KCNMA1: variants seen among roughly 807,000 people sequenced by gnomAD.
KCNMA1 encodes the protein Calcium-activated potassium channel subunit alpha-1.
A neutral mutation model predicts 140.0 loss-of-function variants in KCNMA1; 29 were observed. The observed-to-expected ratio is 0.21, with a 90% CI of 0.15 to 0.28. KCNMA1 has a LOEUF of 0.28. Ranked by LOEUF, KCNMA1 falls within the 10% of genes least tolerant of loss-of-function variation. KCNMA1 has a pLI of 1.00. For synonymous variants in KCNMA1, 612 were observed against 611.9 expected (o/e 1.00, Z 0.00); for missense variants, 880 against 1,602.2 (o/e 0.55, Z 7.70).
At chr10:77,489,141 C>T (rs1485321481) in intron 1 of KCNMA1, among the ~76,000 whole-genome samples, 1 of 152,064 alleles carries the variant, frequency 6.6e-6, no homozygotes, top group Non-Finnish European at 1.5e-5. Context: ...ACAGGGCTGA[C>T]AGACAAAAGA....
At chr10:76,919,292 C>T (rs1160104223) in intron 23 of KCNMA1, among the ~76,000 whole-genome samples, 2 of 152,080 alleles carry the variant, frequency 1.3e-5, no homozygotes, top group African/African-American at 4.8e-5. Flanking sequence ...CCACCTGTAC[C>T]CCAATACCCC....
chr10:77,534,665 T>C (rs916608561), intron 1 of KCNMA1, among the ~76,000 whole-genome samples: 5 of 152,196 alleles, frequency 3.3e-5, no homozygotes, highest in African/African-American at 1.2e-4. Flanking sequence ...TACAGGTAGA[T>C]GGAAGGAATA....
At chr10:76,905,898 C>T (rs963632426) in intron 25 of KCNMA1, among the ~76,000 whole-genome samples, 1 of 152,198 alleles carries the variant, frequency 6.6e-6, no homozygotes, top group Non-Finnish European at 1.5e-5. Flanking sequence ...CCAGTAAGTG[C>T]CCAATAAATG....
chr10:76,967,031 G>A (rs1217767502), intron 20 of KCNMA1, among the ~76,000 whole-genome samples: 1 of 152,174 alleles, frequency 6.6e-6, no homozygotes, highest in African/African-American at 2.4e-5. Flanking sequence ...AAGACCATTA[G>A]TGCAGAGTCC....
intron 1 of KCNMA1, among the ~76,000 whole-genome samples, chr10:77,610,068 T>C (rs1189649904): frequency 2.6e-5 from 4 of 152,206 alleles, no homozygotes; most frequent in Non-Finnish European, 5.9e-5. Flanking sequence ...CAGCTGCTCC[T>C]CTGCCTGCGG....
intron 14 of KCNMA1, among the ~76,000 whole-genome samples, chr10:77,069,079 A>C (rs2096078787): frequency 6.6e-6 from 1 of 152,194 alleles, no homozygotes; most frequent in Admixed American, 6.5e-5. Flanking sequence ...CCAAGTGAGG[A>C]AGCCAAGTAG....
intron 2 of KCNMA1, among the ~76,000 whole-genome samples, chr10:77,312,315 A>G (rs1429548927): frequency 6.6e-6 from 1 of 152,238 alleles, no homozygotes; most frequent in Non-Finnish European, 1.5e-5. Flanking sequence ...GAGGAAGGAC[A>G]GAAAAGTGGA....
intron 3 of KCNMA1, chr10:77,217,398 C>A: frequency 2.5e-6 from 1 of 397,026 alleles, no homozygotes. Context: ...GCCCATCAAT[C>A]CCATCATCTC....
At position 77,591,694 on chromosome 10, in the gene KCNMA1, C is replaced by T. The variant is rs75562748; in HGVS notation, c.378+45571G>A. 8.2e-3 allele frequency among the ~76,000 whole-genome samples: 1,243 copies of T among 152,262 alleles called. 16 individuals are homozygous for T. Among genetic ancestry groups the T allele is most frequent in the African/African-American group, 0.027 (1,111 of 41,534 alleles). On this transcript the variant is annotated intron_variant, in intron 1 of 27. Transcript: ENST00000286628. Reference sequence around the variant, plus strand: ...GGACACCTGTGTTTTACATGCAATCCCTGTGCTCCTGGCTTCCCTGGGAAT... The same window carrying T: ...GGACACCTGTGTTTTACATGCAATCTCTGTGCTCCTGGCTTCCCTGGGAAT...
intron 19 of KCNMA1, among the ~76,000 whole-genome samples, chr10:76,983,933 T>A (rs1234785076): frequency 1.3e-5 from 2 of 152,164 alleles, no homozygotes; most frequent in Non-Finnish European, 2.9e-5. Context: ...GTGTCTTTTT[T>A]AAAAAACGGT....
chr10:76,901,661 A>G (rs1246543375), intron 25 of KCNMA1: 4 of 152,342 alleles, frequency 2.6e-5, no homozygotes, highest in Middle Eastern at 3.4e-3. Flanking sequence ...TTGCTCATCA[A>G]CAGGTACAAT....
chr10:76,887,357 T>A lies in KCNMA1; in HGVS notation c.3620A>T (p.His1207Leu). Residue 1207 changes from histidine to leucine, a missense_variant, in exon 28 of 28, where the codon CAC becomes CTC. Coordinates refer to ENST00000286628, the MANE Select transcript of KCNMA1 (RefSeq NM_001161352.2). ...QSSSKKSSSV[H>L]SIPSTANRQN... Reference sequence around the variant, plus strand: ...TCGGTTTGCTGTGGATGGGATGGAGTGAACAGAGGAGCTCTTCTTGCTGGA... The same window carrying A: ...TCGGTTTGCTGTGGATGGGATGGAGAGAACAGAGGAGCTCTTCTTGCTGGA... 3.7e-6 allele frequency: 6 copies of A among 1,613,700 alleles called. No individual in the cohort carries two copies. The highest frequency in any genetic ancestry group is 5.1e-6 in the Non-Finnish European group (6 of 1,179,952).
chr10:77,189,442 A>G (rs2098919096), intron 3 of KCNMA1, among the ~76,000 whole-genome samples: 1 of 152,186 alleles, frequency 6.6e-6, no homozygotes, highest in African/African-American at 2.4e-5. Context: ...CCACTGTGCA[A>G]GCTTCACCAG....
chr10:77,083,523 A>T (rs61866980), intron 12 of KCNMA1, among the ~76,000 whole-genome samples: 5,967 of 142,478 alleles, frequency 0.042, 185 homozygotes, highest in Non-Finnish European at 0.061. Flanking sequence ...AAAAAAAAAA[A>T]GGGAGGGCAG....
chr10:77,634,482 T>A (rs537792863), intron 1 of KCNMA1: 1 of 985,414 alleles, frequency 1.0e-6, no homozygotes, highest in South Asian at 4.7e-5. Context: ...AAAGGTTTGG[T>A]GCGATCCCAG....
chr10:77,382,903 TAC>T (rs1276166864), intron 2 of KCNMA1, among the ~76,000 whole-genome samples: 11 of 92,716 alleles, frequency 1.2e-4, no homozygotes, highest in African/African-American at 4.6e-4. Context: ...TATATATATA[TAC>T]ACACACACAC....
At chr10:77,225,689 G>T (rs2051123885) in intron 3 of KCNMA1, among the ~76,000 whole-genome samples, 1 of 152,184 alleles carries the variant, frequency 6.6e-6, no homozygotes, top group South Asian at 2.1e-4. Flanking sequence ...CACTGAAGAG[G>T]CCTTTGTGGC....
intron 18 of KCNMA1, 81 bp downstream of exon 18, chr10:77,011,886 T>C: frequency 8.2e-7 from 1 of 1,215,420 alleles, no homozygotes; most frequent in Admixed American, 1.7e-5. Context: ...TTAGTGTTTC[T>C]CTAATAAGAA....
chr10:77,557,652 T>C (rs898614133), intron 1 of KCNMA1, among the ~76,000 whole-genome samples: 1 of 126,586 alleles, frequency 7.9e-6, no homozygotes, highest in Non-Finnish European at 1.7e-5. Context: ...GTGATTTTTT[T>C]TTTTTTTTTT....
Sources: allele counts gnomAD v4.1 joint callset (sites outside exome capture counted in the v4.1 genomes callset), GRCh38; gene constraint gnomAD v4.1.1; transcripts MANE v1.5; gene names NCBI Gene and HGNC (gene_info 2026-07-23, HGNC 2026-07-21).